Variants in CBLB observed in about 807,000 individuals in gnomAD.
CBLB encodes the protein E3 ubiquitin-protein ligase CBL-B.
CBLB carries 31 observed loss-of-function variants against 104.9 expected under a neutral mutation model. The observed-to-expected ratio is 0.30, with a 90% CI of 0.22 to 0.40. CBLB has a LOEUF of 0.40. Ranked by LOEUF, CBLB falls within the 10% of genes least tolerant of loss-of-function variation. The pLI, the probability that CBLB is intolerant of heterozygous loss-of-function variation, is 1.00. For synonymous variants in CBLB, 440 were observed against 422.6 expected (o/e 1.04, Z -0.51); for missense variants, 1,062 against 1,214.6 (o/e 0.87, Z 1.87).
chr3:105,703,988 C>G lies in CBLB; in HGVS notation c.1593G>C (p.Lys531Asn). 6.2e-7 allele frequency: 1 copy of G among 1,613,748 alleles called. No homozygotes were observed. The highest frequency in any genetic ancestry group is 8.5e-7 in the Non-Finnish European group (1 of 1,179,714). The change falls in exon 11 of 19, where the codon AAG becomes AAC. Residue 531 changes from lysine to asparagine, a missense_variant and splice_region_variant. Lys to Asn is a moderately conservative substitution (Grantham distance 94). Around this residue, in one of 2 missense-constraint regions of CBLB, gnomAD observed 605 missense variants for 582.6 expected, o/e 1.04. Coordinates refer to ENST00000394030, the MANE Select transcript of CBLB (RefSeq NM_170662.5). ...TGTGTTTCTAATAAAATTGATCTACCTTTGGTGAACCCGTTGGGCTGCCAC... is the reference window on the plus strand; with the variant it reads ...TGTGTTTCTAATAAAATTGATCTACGTTTGGTGAACCCGTTGGGCTGCCAC... ...SPCGSPTGSP[K>N]SSPCMVRKQD...
chr3:105,703,905 G>A, intron 11 of CBLB, 83 bp downstream of exon 11: 1 of 1,281,526 alleles, frequency 7.8e-7, no homozygotes, highest in Non-Finnish European at 1.1e-6. Context: ...AAAAAAATAT[G>A]AGTAATGGAA....
At chr3:105,856,668 T>C (rs1363580411) in intron 2 of CBLB, among the ~76,000 whole-genome samples, 1 of 152,170 alleles carries the variant, frequency 6.6e-6, no homozygotes, top group Non-Finnish European at 1.5e-5. Flanking sequence ...AGTATTCAAA[T>C]TAATAATCCA....
chr3:105,729,039 T>C (rs566914799), intron 9 of CBLB, among the ~76,000 whole-genome samples: 4 of 152,178 alleles, frequency 2.6e-5, no homozygotes, highest in South Asian at 2.1e-4. Context: ...GAGCAGAGTA[T>C]GATTTATGGT....
intron 4 of CBLB, among the ~76,000 whole-genome samples, chr3:105,752,904 A>G (rs2076718187): frequency 6.6e-6 from 1 of 152,226 alleles, no homozygotes; most frequent in African/African-American, 2.4e-5. Flanking sequence ...TGCTCTAGAG[A>G]CAACACTTTG....
chr3:105,661,524 T>C (rs1164525343), intron 18 of CBLB, among the ~76,000 whole-genome samples: 1 of 152,198 alleles, frequency 6.6e-6, no homozygotes, highest in East Asian at 1.9e-4. Flanking sequence ...CAAAAGTACC[T>C]AGACTTAGAA....
intron 3 of CBLB, among the ~76,000 whole-genome samples, chr3:105,848,049 T>C (rs1331230940): frequency 6.6e-6 from 1 of 151,974 alleles, no homozygotes; most frequent in African/African-American, 2.4e-5. Context: ...AGCTTTATGC[T>C]TGTCAGAAAT....
intron 13 of CBLB, among the ~76,000 whole-genome samples, chr3:105,691,149 T>G (rs1189412404): frequency 6.6e-6 from 1 of 152,228 alleles, no homozygotes; most frequent in East Asian, 1.9e-4. Context: ...GCATATTGTC[T>G]ACAGTGAACA....
In CBLB at chr3:105,778,446, A is replaced by T. The variant is rs186743559; in HGVS notation, c.420-1904T>A. 4.7e-4 allele frequency among the ~76,000 whole-genome samples: 72 copies of T among 152,322 alleles called. 2 individuals are homozygous for T. The East Asian group carries it at 0.012, about 25-fold the overall frequency. On this transcript the variant is annotated intron_variant, in intron 3 of 18. Transcript: ENST00000394030. ...ACAAAGGAGATACATAACTTCCTGT[A>T]TAAGATGAATACAGAAAAAAGATAC...
chr3:105,739,057 G>A (rs900045120), intron 7 of CBLB, among the ~76,000 whole-genome samples: 5 of 151,994 alleles, frequency 3.3e-5, no homozygotes, highest in African/African-American at 7.3e-5. Context: ...ACCGTCACGC[G>A]CCACCATGCC....
chr3:105,710,450 G>T (rs959376906), intron 10 of CBLB, among the ~76,000 whole-genome samples: 3 of 151,884 alleles, frequency 2.0e-5, no homozygotes, highest in Non-Finnish European at 4.4e-5. Flanking sequence ...CAAAAGTTGG[G>T]AAAGACACAA....
rs1423131421 is a variant in CBLB at position 105,656,061 on chromosome 3, C to T, written c.*2909G>A. The T allele has an allele frequency of 4.5e-6, 1 of 224,558 alleles. No individual in the cohort carries two copies. Among genetic ancestry groups the T allele is most frequent in the Non-Finnish European group, 8.9e-6 (1 of 112,746 alleles). 13.9% of individuals were successfully genotyped at this position (224,558 alleles called of 1,614,324 possible). Reference sequence around the variant, plus strand: ...AAGGTTGTATTTGTGGAAGGAAATTCAAGTTAAGCAAAAACTGCTTTTATT... The same window carrying T: ...AAGGTTGTATTTGTGGAAGGAAATTTAAGTTAAGCAAAAACTGCTTTTATT... On this transcript the variant is annotated 3_prime_UTR_variant, in exon 19 of 19. Transcript: ENST00000394030.
At chr3:105,755,016 C>CTTTTTTTT (rs67405809) in intron 4 of CBLB, among the ~76,000 whole-genome samples, 1 of 143,830 alleles carries the variant, frequency 7.0e-6, no homozygotes, top group African/African-American at 2.6e-5. Flanking sequence ...AGTATCTTTT[C>CTTTTTTTT]TTTTTTTTTT....
At chr3:105,754,493 A>AGG (rs2076865567) in intron 4 of CBLB, among the ~76,000 whole-genome samples, 1 of 64,240 alleles carries the variant, frequency 1.6e-5, no homozygotes, top group African/African-American at 5.5e-5. Flanking sequence ...AAGAAAAGGG[A>AGG]AGAGAGAGAG....
chr3:105,774,274 A>C (rs1383815564), intron 4 of CBLB, among the ~76,000 whole-genome samples: 1 of 152,232 alleles, frequency 6.6e-6, no homozygotes, highest in Non-Finnish European at 1.5e-5. Flanking sequence ...ATTAGAGCAT[A>C]ATGGAAAAAA....
intron 3 of CBLB, among the ~76,000 whole-genome samples, chr3:105,779,055 A>G (rs1300401119): frequency 6.6e-6 from 1 of 152,196 alleles, no homozygotes; most frequent in Non-Finnish European, 1.5e-5. Flanking sequence ...ACAAAAGAAA[A>G]ATCAAAATGG....
intron 3 of CBLB, among the ~76,000 whole-genome samples, chr3:105,797,634 C>T (rs958732243): frequency 1.3e-5 from 2 of 152,184 alleles, no homozygotes; most frequent in Admixed American, 6.5e-5. Flanking sequence ...AAAAATCTAA[C>T]CACCAAGTTT....
At chr3:105,852,612 T>A (rs2091084724) in intron 3 of CBLB, among the ~76,000 whole-genome samples, 1 of 152,180 alleles carries the variant, frequency 6.6e-6, no homozygotes, top group Non-Finnish European at 1.5e-5. Context: ...GTTTCTGAAG[T>A]CTGCAGTAGT....
chr3:105,658,122 A>T lies in CBLB; in HGVS notation c.*848T>A, dbSNP rs1051833378. ...TATAACTTCAGTACAGCATTGTCTT[A>T]TACAAGTGTTCTCTCTTCCACATCT... On this transcript the variant is annotated 3_prime_UTR_variant, in exon 19 of 19. Transcript: ENST00000394030. 1.8e-5 allele frequency: 4 copies of T among 217,292 alleles called. No homozygotes were observed. The highest frequency in any genetic ancestry group is 1.9e-5 in the Non-Finnish European group (2 of 107,942). 13.5% of individuals were successfully genotyped at this position (217,292 alleles called of 1,614,324 possible). A position where few individuals can be genotyped will look rare whatever the true frequency, so the allele number is the denominator to read the frequency against.
chr3:105,721,463 C>T (rs1576603332), intron 9 of CBLB, among the ~76,000 whole-genome samples: 1 of 152,144 alleles, frequency 6.6e-6, no homozygotes, highest in African/African-American at 2.4e-5. Flanking sequence ...ACAAATTGAA[C>T]ACCTCCTTTG....
Sources: allele counts gnomAD v4.1 joint callset (sites outside exome capture counted in the v4.1 genomes callset), GRCh38; gene constraint gnomAD v4.1.1; regional missense constraint gnomAD v4.1.1; transcripts MANE v1.5; gene names NCBI Gene and HGNC (gene_info 2026-07-23, HGNC 2026-07-21).